The following TBC1D12 variants were observed in gnomAD, a reference collection of about 807,000 sequenced individuals.
The protein encoded by TBC1D12 is TBC1 domain family, member 12.
Under a neutral mutation model 86.7 loss-of-function variants are expected in TBC1D12, and 56 were observed. That is an observed-to-expected ratio of 0.65 (90% CI 0.52 to 0.81). The LOEUF is 0.81. Ranked by LOEUF, TBC1D12 falls within the 30% of genes least tolerant of loss-of-function variation. The pLI, the probability that TBC1D12 is intolerant of heterozygous loss-of-function variation, is 0.00. For synonymous variants in TBC1D12, 421 were observed against 411.7 expected (o/e 1.02, Z -0.27); for missense variants, 1,023 against 1,038.8 (o/e 0.98, Z 0.21).
chr10:94,464,274 C>T (rs1293069225), intron 2 of TBC1D12, among the ~76,000 whole-genome samples: 1 of 152,066 alleles, frequency 6.6e-6, no homozygotes, highest in Non-Finnish European at 1.5e-5. Flanking sequence ...TACCATCTTG[C>T]TATTTCTTTT....
At chr10:94,425,292 A>G (rs1386896350) in intron 1 of TBC1D12, among the ~76,000 whole-genome samples, 1 of 152,186 alleles carries the variant, frequency 6.6e-6, no homozygotes, top group East Asian at 1.9e-4. Flanking sequence ...AGTGTTCTAT[A>G]CCTGAATTGG....
intron 1 of TBC1D12, among the ~76,000 whole-genome samples, chr10:94,420,798 G>A (rs762374565): frequency 1.3e-5 from 2 of 152,110 alleles, no homozygotes; most frequent in African/African-American, 2.4e-5. Context: ...TCTTTTGGTT[G>A]TTATGGATAG....
In TBC1D12 at chr10:94,402,960, A is replaced by G; in HGVS notation, c.347A>G (p.Lys116Arg). The change falls in exon 1 of 13, where the codon AAA becomes AGA. Residue 116 changes from lysine to arginine, a missense_variant. By Grantham distance (26) the Lys-to-Arg change is conservative. Around this residue, in one of 2 missense-constraint regions of TBC1D12, gnomAD observed 628 missense variants for 531.1 expected, o/e 1.18. Transcript: ENST00000225235. The stretch of plus-strand genomic sequence containing the variant: ...GCCTGCCTGCTGGGCTCGGGCTCCA[A>G]ACACCGCGGCGCGGAGGTGGCTGAT... ...SDACLLGSGS[K>R]HRGAEVADGR... is the part of the protein sequence containing the mutation. 6.4e-7 allele frequency: 1 copy of G among 1,573,782 alleles called. No individual in the cohort carries two copies. Among genetic ancestry groups the G allele is most frequent in the Non-Finnish European group, 8.6e-7 (1 of 1,164,856 alleles).
At chr10:94,518,955 T>C (rs1359310874) in intron 9 of TBC1D12, among the ~76,000 whole-genome samples, 5 of 152,226 alleles carry the variant, frequency 3.3e-5, no homozygotes, top group Admixed American at 2.6e-4. Flanking sequence ...GGCACCTCTA[T>C]TCCCAGCTGT....
chr10:94,532,731 A>G (rs972229850), intron 12 of TBC1D12, among the ~76,000 whole-genome samples: 7 of 152,222 alleles, frequency 4.6e-5, no homozygotes, highest in African/African-American at 1.7e-4. Context: ...GGATAGCAGT[A>G]TCACTCAATC....
Position 94,402,740 on chromosome 10 carries a change from G to C in TBC1D12, c.127G>C (p.Val43Leu). The C allele has an allele frequency of 6.4e-7, 1 of 1,557,588 alleles. No individual in the cohort carries two copies. Among genetic ancestry groups the C allele is most frequent in the Non-Finnish European group, 8.7e-7 (1 of 1,150,860 alleles). ...GGCCACGGGCGGCTTTGGCGGAGGC[G>C]TCGGCGCTGTGGAGCCGCCGGAGGA... The part of the protein sequence containing the change: ...IRATGGFGGG[V>L]GAVEPPEEAD... Residue 43 changes from valine (V) to leucine (L), a missense_variant, in exon 1 of 13, where the codon GTC (valine) becomes CTC (leucine). Physicochemically the swap from Val to Leu is conservative, Grantham distance 32. Transcript: ENST00000225235.
intron 11 of TBC1D12, 107 bp from the exon 12 acceptor site, chr10:94,531,095 C>T: frequency 1.6e-6 from 2 of 1,276,416 alleles, no homozygotes; most frequent in South Asian, 3.0e-5. Context: ...ATGTTATTTG[C>T]CTTCTTATCC....
At chr10:94,433,119 C>T (rs2055241465) in intron 1 of TBC1D12, among the ~76,000 whole-genome samples, 1 of 151,990 alleles carries the variant, frequency 6.6e-6, no homozygotes, top group African/African-American at 2.4e-5. Context: ...GCAGGAGAAC[C>T]GCTTGAACCC....
Position 94,534,916 on chromosome 10 carries a change from A to G in TBC1D12, c.*1820A>G, listed in dbSNP as rs1564999014. On this transcript the variant is annotated 3_prime_UTR_variant, in exon 13 of 13. Transcript: ENST00000225235. Reference sequence around the variant, plus strand: ...GTTTCTGCTTGGCTTTCTCACTGAAAAGTAAATTGGGGAAAATGCTGCTTT... The same window carrying G: ...GTTTCTGCTTGGCTTTCTCACTGAAGAGTAAATTGGGGAAAATGCTGCTTT... 2.6e-5 allele frequency: 4 copies of G among 152,242 alleles called. No individual in the cohort carries two copies. Among genetic ancestry groups the G allele is most frequent in the South Asian group, 4.2e-4 (2 of 4,814 alleles). The allele number at this position is 152,242 out of a possible 1,614,324, so 9.4% of individuals were successfully genotyped here. A position where few individuals can be genotyped will look rare whatever the true frequency, so the allele number is the denominator to read the frequency against.
At chr10:94,415,934 CT>C (rs1180556838) in intron 1 of TBC1D12, among the ~76,000 whole-genome samples, 2 of 152,102 alleles carry the variant, frequency 1.3e-5, no homozygotes, top group Non-Finnish European at 2.9e-5. Context: ...CAGCTGAGAA[CT>C]ATACTGCATG....
intron 9 of TBC1D12, among the ~76,000 whole-genome samples, chr10:94,518,199 ATTCTTTTTTT>A (rs990499673): frequency 6.6e-6 from 1 of 151,570 alleles, no homozygotes; most frequent in Non-Finnish European, 1.5e-5. Context: ...AGGACTATGC[ATTCTTTTTTT>A]TCTTTTCTTT....
chr10:94,518,347 G>T (rs1842057226), intron 9 of TBC1D12, among the ~76,000 whole-genome samples: 1 of 151,910 alleles, frequency 6.6e-6, no homozygotes, highest in Non-Finnish European at 1.5e-5. Context: ...CTGAGTAACT[G>T]GGATTACAGG....
At chr10:94,503,935 T>C (rs1057150819) in intron 6 of TBC1D12, among the ~76,000 whole-genome samples, 44 of 152,220 alleles carry the variant, frequency 2.9e-4, no homozygotes, top group African/African-American at 1.1e-3. Flanking sequence ...AACATGTTAT[T>C]TTCAAAGAAC....
chr10:94,469,326 T>C (rs984237700), intron 2 of TBC1D12, among the ~76,000 whole-genome samples: 5 of 152,206 alleles, frequency 3.3e-5, no homozygotes, highest in African/African-American at 1.2e-4. Context: ...CTCCTCAGGT[T>C]ATTGTTCTTT....
At chr10:94,502,114 A>G (rs1018410731) in intron 6 of TBC1D12, among the ~76,000 whole-genome samples, 8 of 151,396 alleles carry the variant, frequency 5.3e-5, no homozygotes, top group South Asian at 2.1e-4. Flanking sequence ...GGGTGGATCA[A>G]CTGAGGTCGG....
chr10:94,470,014 T>C (rs1408996345), intron 2 of TBC1D12, among the ~76,000 whole-genome samples: 1 of 152,218 alleles, frequency 6.6e-6, no homozygotes, highest in Non-Finnish European at 1.5e-5. Flanking sequence ...CTACTCTATG[T>C]CTCTGAAGAA....
chr10:94,499,994 G>T (rs969069386), intron 5 of TBC1D12, among the ~76,000 whole-genome samples: 2 of 152,040 alleles, frequency 1.3e-5, no homozygotes, highest in Non-Finnish European at 2.9e-5. Flanking sequence ...TTTATAAAAC[G>T]CAGTTCCCTT....
chr10:94,438,813 AC>A (rs2055340209), intron 1 of TBC1D12, among the ~76,000 whole-genome samples: 1 of 150,716 alleles, frequency 6.6e-6, no homozygotes, highest in African/African-American at 2.4e-5. Flanking sequence ...TTTAACTCTT[AC>A]TTTTTTTGAG....
intron 9 of TBC1D12, among the ~76,000 whole-genome samples, chr10:94,513,364 T>C (rs540378718): frequency 1.4e-3 from 208 of 151,856 alleles, no homozygotes; most frequent in Admixed American, 2.2e-3. Context: ...CAGACAGCAG[T>C]GAGCTAGGAT....
Sources: gnomAD v4.1 joint callset for allele counts (sites outside exome capture counted in the v4.1 genomes callset) on GRCh38, gnomAD v4.1.1 for gene constraint, gnomAD v4.1.1 regional missense constraint, MANE v1.5 for transcripts, NCBI Gene and HGNC (gene_info 2026-07-23, HGNC 2026-07-21) for gene names.